The following FBLN5 variants were observed in gnomAD, a reference collection of about 807,000 sequenced individuals.
FBLN5 encodes fibulin 5.
In FBLN5, 24 loss-of-function variants were observed where a neutral mutation model predicts 61.6. The observed-to-expected ratio is 0.39, with a 90% CI of 0.28 to 0.55. FBLN5 has a LOEUF of 0.55. Among genes scored for constraint, FBLN5 ranks in the 20% least tolerant of loss-of-function variants. The probability of loss-of-function intolerance (pLI) is 0.65; values close to 1 mark genes in which losing one functional copy is unlikely to be tolerated. For missense variants in FBLN5, 470 were observed against 594.1 expected, an observed-to-expected ratio of 0.79 and a Z score of 2.17; for synonymous variants, 213 against 219.8, an observed-to-expected ratio of 0.97 and a Z score of 0.27.
chr14:91,875,517 A>G (rs1424202767), intron 10 of FBLN5, among the ~76,000 whole-genome samples: 1 of 152,192 alleles, frequency 6.6e-6, no homozygotes, highest in East Asian at 1.9e-4. Flanking sequence ...GTCAGTGTGA[A>G]GTCCTCAGGC....
chr14:91,897,911 G>A (rs1309158251), intron 4 of FBLN5, among the ~76,000 whole-genome samples: 5 of 152,058 alleles, frequency 3.3e-5, no homozygotes, highest in Admixed American at 2.0e-4. Context: ...TTAATCGGGT[G>A]TGGTGGCGCA....
chr14:91,919,507 A>G (rs1455444827), intron 4 of FBLN5, among the ~76,000 whole-genome samples: 2 of 152,022 alleles, frequency 1.3e-5, no homozygotes, highest in Non-Finnish European at 2.9e-5. Flanking sequence ...TATAGGGTGA[A>G]TCGTGTCCCT....
chr14:91,937,340 T>G, intron 3 of FBLN5, 139 bp from the exon 4 acceptor site: 1 of 1,080,034 alleles, frequency 9.3e-7, no homozygotes, highest in Non-Finnish European at 1.4e-6. Flanking sequence ...CGCGGTAAGG[T>G]ACCCCAAATG....
intron 8 of FBLN5, among the ~76,000 whole-genome samples, chr14:91,881,828 A>G (rs1889490938): frequency 6.6e-6 from 1 of 151,910 alleles, no homozygotes; most frequent in African/African-American, 2.4e-5. Context: ...CATCTCATCA[A>G]TAATAATTTT....
rs186998734 is a variant in FBLN5 at position 91,894,881 on chromosome 14, A to G, written c.502+69T>C. 1,335 of 1,292,082 alleles carry G rather than the reference A, an allele frequency of 1.0e-3. 6 individuals carry two copies. In the African/African-American group the frequency reaches 0.02, roughly 19 times the overall value. The allele number at this position is 1,292,082 out of a possible 1,614,324, so 80.0% of individuals were successfully genotyped here. A position where few individuals can be genotyped will look rare whatever the true frequency, so the allele number is the denominator to read the frequency against. On this transcript the variant is annotated intron_variant, in intron 5 of 10. Transcript: ENST00000342058. ...TACCCTCAGGCAGCCAGCTATGCCC[A>G]TACCTCAAAATGCCCCTGGCAACCG...
intron 10 of FBLN5, chr14:91,873,775 C>G (rs561019777): frequency 6.6e-6 from 1 of 152,366 alleles, no homozygotes; most frequent in South Asian, 2.1e-4. Context: ...TCTTCTTGGC[C>G]CTGATCCCAA....
At chr14:91,876,958 G>A (rs927673701) in intron 10 of FBLN5, among the ~76,000 whole-genome samples, 1 of 151,874 alleles carries the variant, frequency 6.6e-6, no homozygotes, top group African/African-American at 2.4e-5. Flanking sequence ...CCACCTCCCC[G>A]CCACACTGCC....
chr14:91,931,775 A>G lies in FBLN5; in HGVS notation c.379+5172T>C, dbSNP rs75213250. On this transcript the variant is annotated intron_variant, in intron 4 of 10. Coordinates refer to ENST00000342058, the MANE Select transcript of FBLN5 (RefSeq NM_006329.4). ...AGAGAGATGACAAGTTGAGCCCCCAAGGGAATGAGTTGACAGAGTTGAGTG... is the reference window on the plus strand; with the variant it reads ...AGAGAGATGACAAGTTGAGCCCCCAGGGGAATGAGTTGACAGAGTTGAGTG... 3.5e-3 allele frequency among the ~76,000 whole-genome samples: 537 copies of G among 152,326 alleles called. 22 individuals are homozygous for G. The East Asian group carries it at 0.077, about 22-fold the overall frequency.
At chr14:91,940,373 C>A (rs1355390267) in intron 3 of FBLN5, among the ~76,000 whole-genome samples, 192 bp downstream of exon 3, 1 of 152,196 alleles carries the variant, frequency 6.6e-6, no homozygotes, top group Non-Finnish European at 1.5e-5. Flanking sequence ...TCTTTCACCC[C>A]TCTCAGTGCT....
Position 91,881,502 on chromosome 14 carries a change from C to T in FBLN5, c.863-84G>A, listed in dbSNP as rs1243192640. On this transcript the variant is annotated intron_variant, in intron 8 of 10. Coordinates refer to ENST00000342058, the MANE Select transcript of FBLN5 (RefSeq NM_006329.4). ...TGGGGGTGGGGTAGGCTGGATCTTACTACAGAGCTGTACTATCCAATATGG... is the reference window on the plus strand; with the variant it reads ...TGGGGGTGGGGTAGGCTGGATCTTATTACAGAGCTGTACTATCCAATATGG... 3.4e-6 allele frequency: 5 copies of T among 1,475,192 alleles called. No individual in the cohort carries two copies. The East Asian group carries it at 9.0e-5, about 27-fold the overall frequency. The allele number at this position is 1,475,192 out of a possible 1,614,324, so 91.4% of individuals were successfully genotyped here.
At chr14:91,911,158 AT>A (rs1890912815) in intron 4 of FBLN5, among the ~76,000 whole-genome samples, 1 of 151,944 alleles carries the variant, frequency 6.6e-6, no homozygotes, top group South Asian at 2.1e-4. Flanking sequence ...TAATTTTTGT[AT>A]TTTTAGTAGA....
At chr14:91,917,423 C>A (rs983018951) in intron 4 of FBLN5, among the ~76,000 whole-genome samples, 1 of 151,668 alleles carries the variant, frequency 6.6e-6, no homozygotes, top group Non-Finnish European at 1.5e-5. Context: ...TAAAAATACA[C>A]ACATTAGCTG....
chr14:91,895,201 T>A, intron 4 of FBLN5, 129 bp from the exon 5 acceptor site: 1 of 1,094,268 alleles, frequency 9.1e-7, no homozygotes, highest in Non-Finnish European at 1.4e-6. Flanking sequence ...CCCAAGGAGG[T>A]GGCAGTGCTT....
Position 91,947,376 on chromosome 14 carries a change from G to T in FBLN5, c.-147C>A. The T allele has an allele frequency of 1.1e-6, 1 of 873,862 alleles. No homozygotes were observed. Among genetic ancestry groups the T allele is most frequent in the East Asian group, 2.6e-5 (1 of 37,986 alleles). The allele number at this position is 873,862 out of a possible 1,614,324, so 54.1% of individuals were successfully genotyped here. A position where few individuals can be genotyped will look rare whatever the true frequency, so the allele number is the denominator to read the frequency against. ...GAGGGGCCGAGCGAGTCGTGGAGAG[G>T]ACACGGGGAGAGCGCCGGGGTCCTC... On this transcript the variant is annotated 5_prime_UTR_variant, in exon 1 of 11. Coordinates refer to ENST00000342058, the MANE Select transcript of FBLN5 (RefSeq NM_006329.4). This position sits in a 1 kb window ranked among gnomAD's most constrained non-coding sequence, Gnocchi z 4.3.
intron 9 of FBLN5, among the ~76,000 whole-genome samples, chr14:91,880,108 T>C (rs1449028585): frequency 6.6e-6 from 1 of 152,244 alleles, no homozygotes; most frequent in Non-Finnish European, 1.5e-5. Flanking sequence ...TAGTAAAATG[T>C]TGACCAAGAT....
intron 3 of FBLN5, chr14:91,939,798 G>A (rs1002576497): frequency 7.9e-6 from 3 of 378,414 alleles, no homozygotes; most frequent in African/African-American, 2.1e-5. Flanking sequence ...TGGGTTACAC[G>A]GCAAAGGGGA....
At chr14:91,899,143 C>CGT (rs59077653) in intron 4 of FBLN5, among the ~76,000 whole-genome samples, 51,213 of 149,796 alleles carry the variant, frequency 0.34, 9,075 homozygotes, top group African/African-American at 0.44. Context: ...GCTGTGTGTT[C>CGT]GTGTGTGTGT....
chr14:91,880,985 C>T (rs946015759), intron 9 of FBLN5, among the ~76,000 whole-genome samples: 3 of 152,320 alleles, frequency 2.0e-5, no homozygotes, highest in African/African-American at 2.4e-5. Context: ...TACAGTAACA[C>T]ACTTTGCACT....
At chr14:91,917,214 T>C (rs928319468) in intron 4 of FBLN5, among the ~76,000 whole-genome samples, 2 of 152,212 alleles carry the variant, frequency 1.3e-5, no homozygotes, top group African/African-American at 4.8e-5. Context: ...ATGAAGGCCA[T>C]ATGACACTAC....
Sources: allele counts gnomAD v4.1 joint callset (sites outside exome capture counted in the v4.1 genomes callset), GRCh38; gene constraint gnomAD v4.1.1; non-coding constraint Gnocchi (gnomAD v3.1); transcripts MANE v1.5; gene names NCBI Gene and HGNC (gene_info 2026-07-23, HGNC 2026-07-21).